The following PDLIM2 variants were observed in gnomAD, a reference collection of about 807,000 sequenced individuals.
The protein encoded by PDLIM2 is PDZ and LIM domain 2.
PDLIM2 carries 51 observed loss-of-function variants against 54.1 expected under a neutral mutation model. The ratio of observed to expected loss-of-function variants is 0.94; its 90% CI spans 0.75 to 1.19. The LOEUF is 1.19. Ranked by LOEUF, PDLIM2 falls within the 50% of genes most tolerant of loss-of-function variation. The pLI, the probability that PDLIM2 is intolerant of heterozygous loss-of-function variation, is 0.00. For missense variants in PDLIM2, 912 were observed against 874.0 expected (o/e 1.04, Z -0.55); for synonymous variants, 398 against 385.6 (o/e 1.03, Z -0.38).
downstream of PDLIM2, chr8:22,594,469 C>G: frequency 1.9e-6 from 3 of 1,612,002 alleles, no homozygotes; most frequent in Non-Finnish European, 2.5e-6. Flanking sequence ...AGGGCCTTGC[C>G]TCTTTTAGGT....
rs574710131 is a variant in PDLIM2 at position 22,585,624 on chromosome 8, C to T, written c.1290+225C>T. ...TGCCCAGCAGTGCCCAGTAGCCCGT[C>T]CATCTCCTGCACCCCTCCCCTCATC... On this transcript the variant is annotated intron_variant, in intron 6 of 9. Coordinates refer to ENST00000308354, the Ensembl canonical transcript of PDLIM2. 7.2e-4 allele frequency: 397 copies of T among 548,478 alleles called. 2 individuals are homozygous for T. Among genetic ancestry groups the T allele is most frequent in the African/African-American group, 6.7e-3 (348 of 52,212 alleles). The allele number at this position is 548,478 out of a possible 1,614,324, so 34.0% of individuals were successfully genotyped here. A position where few individuals can be genotyped will look rare whatever the true frequency, so the allele number is the denominator to read the frequency against.
rs145349678 is a variant in PDLIM2 at position 22,593,906 on chromosome 8, C to T, written c.1805C>T (p.Ala602Val). ...GCACCTGCCACCCTCAGCTCTCGGG[C>T]CTGAGCCCGCCATGCCCTCAGCCTG... The change falls in exon 10 of 10, where the codon GCC becomes GTC. Residue 602 changes from alanine (A) to valine (V), a missense_variant. Coordinates refer to ENST00000308354, the Ensembl canonical transcript of PDLIM2. 3,198 of 1,544,450 alleles carry T rather than the reference C, an allele frequency of 2.1e-3. 108 individuals carry two copies. In the East Asian group the frequency reaches 0.068, roughly 33 times the overall value.
At chr8:22,594,615 G>A, downstream of PDLIM2, 2 of 1,613,946 alleles carry the variant, frequency 1.2e-6, no homozygotes, top group Non-Finnish European at 8.5e-7. Flanking sequence ...AGGGACAGGA[G>A]GAAGACCAGG....
In PDLIM2 at chr8:22,579,501, G is replaced by GC; in HGVS notation, c.723dup (p.Ala242ArgfsTer5). 6.6e-7 allele frequency: 1 copy of GC among 1,510,230 alleles called. No homozygotes were observed. The highest frequency in any genetic ancestry group is 2.0e-5 in the Admixed American group (1 of 48,930). The allele number at this position is 1,510,230 out of a possible 1,614,324, so 93.6% of individuals were successfully genotyped here. Reference sequence around the variant, plus strand: ...TGGGCACCTCCCCGCGGCGCCCGCAGCGCGGAGTCCACTGACCGGCTCAAA... The same window carrying GC: ...TGGGCACCTCCCCGCGGCGCCCGCAGCCGCGGAGTCCACTGACCGGCTCAAA... On this transcript the variant is annotated frameshift_variant, in exon 1 of 10. Coordinates refer to ENST00000308354, the Ensembl canonical transcript of PDLIM2. LOFTEE classifies it high-confidence loss of function.
At chr8:22,594,183 A>T in exon 10 of PDLIM2, 1 of 1,408,452 alleles carries the variant, frequency 7.1e-7, no homozygotes, top group Non-Finnish European at 9.2e-7. Flanking sequence ...GCGAGGGTCT[A>T]AGTAGGGTCG....
At chr8:22,582,916 C>CT (rs1563861305) in intron 3 of PDLIM2, among the ~76,000 whole-genome samples, 1 of 114,778 alleles carries the variant, frequency 8.7e-6, no homozygotes, top group Non-Finnish European at 1.8e-5. Context: ...CCCACCCCCC[C>CT]CCCCGCCCCC....
intron 9 of PDLIM2, 31 bp downstream of exon 8, chr8:22,591,699 C>T: frequency 6.3e-7 from 1 of 1,574,932 alleles, no homozygotes; most frequent in Non-Finnish European, 8.7e-7. Flanking sequence ...GGGACCTGAG[C>T]CTTCACAGGG....
At chr8:22,582,616 T>C (rs1398748685) in intron 3 of PDLIM2, among the ~76,000 whole-genome samples, 1 of 144,982 alleles carries the variant, frequency 6.9e-6, no homozygotes, top group Admixed American at 7.0e-5. Flanking sequence ...AGAGTCTCGC[T>C]CTGTTGCCAG....
intron 9 of PDLIM2, 78 bp from the exon 9 acceptor site, chr8:22,593,654 TG>T (rs1800615145): frequency 1.5e-6 from 2 of 1,314,336 alleles, no homozygotes; most frequent in Non-Finnish European, 2.1e-6. Flanking sequence ...GATGCTACAG[TG>T]GGGACCAGGC....
exon 10 of PDLIM2, chr8:22,593,799 T>G: frequency 6.2e-7 from 1 of 1,605,650 alleles, no homozygotes; most frequent in Non-Finnish European, 8.5e-7. Context: ...GTGCCGACTG[T>G]GGGCTGAACC....
chr8:22,594,737 C>T, downstream of PDLIM2: 1 of 1,502,678 alleles, frequency 6.7e-7, no homozygotes, highest in East Asian at 2.3e-5. Flanking sequence ...CACTTCTTTC[C>T]TGGGAGAGAC....
downstream of PDLIM2, chr8:22,594,341 A>G: frequency 1.4e-6 from 2 of 1,454,886 alleles, no homozygotes; most frequent in Non-Finnish European, 1.8e-6. Context: ...AGCCCTGGGT[A>G]TGACCTGCTC....
intron 6 of PDLIM2, chr8:22,588,194 C>T (rs906515570): frequency 7.2e-5 from 11 of 152,300 alleles, no homozygotes; most frequent in African/African-American, 2.7e-4. Context: ...CCTGCAGTCT[C>T]CTTACCTATA....
chr8:22,583,593 C>T (rs537108917), intron 3 of PDLIM2, among the ~76,000 whole-genome samples: 2 of 152,080 alleles, frequency 1.3e-5, no homozygotes, highest in South Asian at 4.2e-4. Context: ...CGGCGAAACC[C>T]CGTCTCTACT....
At chr8:22,587,303 C>T (rs955539126) in intron 6 of PDLIM2, among the ~76,000 whole-genome samples, 80 of 151,970 alleles carry the variant, frequency 5.3e-4, no homozygotes, top group African/African-American at 1.8e-3. Context: ...GAGGCTGGGG[C>T]GGGAGGATTG....
downstream of PDLIM2, chr8:22,594,661 A>G (rs1340466193): frequency 6.2e-7 from 1 of 1,607,020 alleles, no homozygotes; most frequent in South Asian, 1.1e-5. Flanking sequence ...ACAACCTCTG[A>G]TCCTGAGGAC....
In PDLIM2 at chr8:22,585,099, G is replaced by GC; in HGVS notation, c.1149dup (p.Ser384GlnfsTer9). ...CCAACCTCCCTCAGCCCGAGGGCCG[G>GC]CAGCCCCTTCTCACCACCACCCTCT... On this transcript the variant is annotated frameshift_variant, in exon 5 of 10. Transcript: ENST00000308354. LOFTEE classifies it high-confidence loss of function. 1 of 1,613,934 alleles carries GC rather than the reference G, an allele frequency of 6.2e-7. No individual in the cohort carries two copies. Among genetic ancestry groups the GC allele is most frequent in the African/African-American group, 1.3e-5 (1 of 75,058 alleles).
At position 22,581,252 on chromosome 8, in the gene PDLIM2, A is replaced by AG. The variant is rs908232376; in HGVS notation, c.844-124dup. 3 of 1,218,252 alleles carry AG rather than the reference A, an allele frequency of 2.5e-6. No individual in the cohort carries two copies. In the Admixed American group the frequency reaches 6.6e-5, roughly 27 times the overall value. 75.5% of individuals were successfully genotyped at this position (1,218,252 alleles called of 1,614,324 possible). On this transcript the variant is annotated intron_variant, in intron 2 of 9. Transcript: ENST00000308354. ...TCAGCTGGGTGTCATGAGCAGGCAGAGGGACATGCAGGAGGGTGCAGGCCG... is the reference window on the plus strand; with the variant it reads ...TCAGCTGGGTGTCATGAGCAGGCAGAGGGGACATGCAGGAGGGTGCAGGCCG...
intron 9 of PDLIM2, 23 bp downstream of exon 8, chr8:22,591,691 G>T (rs756919590): frequency 6.3e-6 from 10 of 1,587,864 alleles, no homozygotes; most frequent in East Asian, 4.5e-5. Flanking sequence ...GGGGGTGGGG[G>T]ACCTGAGCCT....
Sources: gnomAD v4.1 joint callset for allele counts (sites outside exome capture counted in the v4.1 genomes callset) on GRCh38, gnomAD v4.1.1 for gene constraint, MANE v1.5 for transcripts, NCBI Gene and HGNC (gene_info 2026-07-23, HGNC 2026-07-21) for gene names.